DNA2: variants seen among roughly 807,000 people sequenced by gnomAD.
The protein encoded by DNA2 is DNA replication helicase/nuclease 2.
Under a neutral mutation model 119.1 loss-of-function variants are expected in DNA2, and 101 were observed. The observed-to-expected ratio is 0.85, with a 90% CI of 0.72 to 1.00. DNA2 has a LOEUF of 1.00. Among genes scored for constraint, DNA2 ranks in the 50% least tolerant of loss-of-function variants. The probability of loss-of-function intolerance (pLI) is 0.00; values close to 1 mark genes in which losing one functional copy is unlikely to be tolerated. For synonymous variants in DNA2, 366 were observed against 424.4 expected, an observed-to-expected ratio of 0.86 and a Z score of 1.69; for missense variants, 1,121 against 1,255.5, an observed-to-expected ratio of 0.89 and a Z score of 1.62.
intron 5 of DNA2, among the ~76,000 whole-genome samples, chr10:68,452,366 C>T (rs187141085): frequency 6.6e-6 from 1 of 152,294 alleles, no homozygotes; most frequent in Non-Finnish European, 1.5e-5. Context: ...ATCCACTGCA[C>T]TGGGTCTGAA....
In DNA2 at chr10:68,465,720, C is replaced by T; in HGVS notation, c.534G>A (p.Lys178=). Residue 178 remains lysine (K), a synonymous_variant, in exon 4 of 21, where the codon AAG becomes AAA. Coordinates refer to ENST00000358410, the MANE Select transcript of DNA2 (RefSeq NM_001080449.3). The part of the protein sequence containing the change: ...KAINNSFAPE[K]LQELAFQTIQ... The stretch of plus-strand genomic sequence containing the variant: ...TTGTTTGAAAAGCAAGTTCTTGTAG[C>T]TTTTCTGGGGCAAAGCTATTATTTA... 6.2e-7 allele frequency: 1 copy of T among 1,608,184 alleles called. No individual in the cohort carries two copies. Among genetic ancestry groups the T allele is most frequent in the Non-Finnish European group, 8.5e-7 (1 of 1,177,696 alleles).
At chr10:68,427,166 C>T (rs557573596) in intron 14 of DNA2, among the ~76,000 whole-genome samples, 1 of 150,478 alleles carries the variant, frequency 6.6e-6, no homozygotes, top group African/African-American at 2.4e-5. Flanking sequence ...GTCAAGAGTT[C>T]GAGACTAGCC....
intron 14 of DNA2, among the ~76,000 whole-genome samples, chr10:68,427,682 T>C (rs997307745): frequency 2.9e-5 from 3 of 103,384 alleles, no homozygotes; most frequent in African/African-American, 1.0e-4. Flanking sequence ...CACACACACA[T>C]TTTAACTGGG....
chr10:68,419,311 A>G, intron 18 of DNA2, 98 bp from the exon 19 acceptor site: 1 of 950,298 alleles, frequency 1.1e-6, no homozygotes, highest in Non-Finnish European at 1.5e-6. Context: ...TGCCCAACTG[A>G]TGTTTATAAC....
chr10:68,432,083 C>A, intron 12 of DNA2, 112 bp from the exon 13 acceptor site: 12 of 1,129,630 alleles, frequency 1.1e-5, no homozygotes, highest in Admixed American at 4.3e-5. Context: ...AATACAAAAC[C>A]ATTTCCAAAG....
At chr10:68,427,226 C>T (rs1033215823) in intron 14 of DNA2, among the ~76,000 whole-genome samples, 3 of 151,376 alleles carry the variant, frequency 2.0e-5, no homozygotes, top group South Asian at 4.2e-4. Context: ...AAATATGTGG[C>T]GCATGCCTGT....
intron 11 of DNA2, 38 bp from the exon 12 acceptor site, chr10:68,432,353 GA>G (rs1429957370): frequency 1.3e-6 from 2 of 1,560,508 alleles, no homozygotes; most frequent in Non-Finnish European, 1.7e-6. Flanking sequence ...ATATTCCTTA[GA>G]AAAGTGGAGT....
chr10:68,464,238 C>A (rs1398296849), intron 4 of DNA2, among the ~76,000 whole-genome samples: 1 of 152,098 alleles, frequency 6.6e-6, no homozygotes, highest in Non-Finnish European at 1.5e-5. Context: ...TTAGGCCAGG[C>A]CTGGTGGCTC....
chr10:68,464,268 T>C (rs2133442417), intron 4 of DNA2, among the ~76,000 whole-genome samples: 1 of 151,904 alleles, frequency 6.6e-6, no homozygotes, highest in South Asian at 2.1e-4. Flanking sequence ...ATCCCAGCAC[T>C]TTGGGACGCC....
intron 1 of DNA2, chr10:68,470,564 C>T (rs961985177): frequency 1.3e-5 from 6 of 448,868 alleles, no homozygotes; most frequent in Non-Finnish European, 2.7e-5. Context: ...CAGTGAGATA[C>T]GATCATGCTA....
chr10:68,431,417 TAG>T (rs1263221026), intron 13 of DNA2, among the ~76,000 whole-genome samples: 1 of 151,984 alleles, frequency 6.6e-6, no homozygotes, highest in Non-Finnish European at 1.5e-5. Context: ...CGAGTAAAGC[TAG>T]GATTATAGGC....
At chr10:68,421,117 A>G (rs2051659516) in intron 17 of DNA2, among the ~76,000 whole-genome samples, 1 of 151,920 alleles carries the variant, frequency 6.6e-6, no homozygotes, top group Non-Finnish European at 1.5e-5. Flanking sequence ...TTGCATTTTT[A>G]GTAGAGACAG....
At chr10:68,415,165 CATT>C in intron 20 of DNA2, 58 bp from the exon 21 acceptor site, 1 of 1,047,158 alleles carries the variant, frequency 9.5e-7, no homozygotes, top group East Asian at 2.7e-5. Context: ...AAATTTATGA[CATT>C]ATTATTTAAC....
Position 68,471,855 on chromosome 10 carries a change from G to A in DNA2, c.10C>T (p.Leu4=), listed in dbSNP as rs1248871781. 2 of 1,613,920 alleles carry A rather than the reference G, an allele frequency of 1.2e-6. No individual in the cohort carries two copies. The highest frequency in any genetic ancestry group is 3.3e-5 in the Admixed American group (2 of 59,998). Residue 4 remains leucine, a synonymous_variant, in exon 1 of 21, where the codon CTG becomes TTG. Transcript: ENST00000358410. MEQ[L]NELELLMEKS... ...TCCATCAGCAGCTCCAGTTCGTTCA[G>A]CTGCTCCATCCTGGACGCGGGGATC...
chr10:68,436,057 C>A (rs906257176), intron 10 of DNA2, among the ~76,000 whole-genome samples: 1 of 152,166 alleles, frequency 6.6e-6, no homozygotes, highest in Non-Finnish European at 1.5e-5. Flanking sequence ...GAAATTAGCA[C>A]ATGACCCATG....
intron 15 of DNA2, 32 bp from the exon 16 acceptor site, chr10:68,422,636 G>A: frequency 6.2e-7 from 1 of 1,611,900 alleles, no homozygotes; most frequent in South Asian, 1.1e-5. Context: ...GTTTATCAGT[G>A]TACTAAATCT....
At chr10:68,472,080 C>A, upstream of DNA2, 4 of 1,572,154 alleles carry the variant, frequency 2.5e-6, no homozygotes, top group Non-Finnish European at 3.5e-6. Flanking sequence ...TGTCCCCTGC[C>A]TTTGCTCCCT....
chr10:68,462,719 C>T (rs900092072), intron 4 of DNA2, among the ~76,000 whole-genome samples: 9 of 152,286 alleles, frequency 5.9e-5, no homozygotes, highest in African/African-American at 1.9e-4. Flanking sequence ...GAGCAAGTCA[C>T]GGTTAATTAA....
At chr10:68,459,359 C>T in intron 4 of DNA2, 124 bp from the exon 5 acceptor site, 1 of 994,024 alleles carries the variant, frequency 1.0e-6, no homozygotes, top group Non-Finnish European at 1.4e-6. Context: ...TATAAGCAAC[C>T]CAACTGTTCG....
Sources: allele counts gnomAD v4.1 joint callset (sites outside exome capture counted in the v4.1 genomes callset), GRCh38; gene constraint gnomAD v4.1.1; transcripts MANE v1.5; gene names NCBI Gene and HGNC (gene_info 2026-07-23, HGNC 2026-07-21).